TMEM131: variants seen among roughly 807,000 people sequenced by gnomAD.
TMEM131 encodes the protein transmembrane protein 131.
In TMEM131, 66 loss-of-function variants were observed where a neutral mutation model predicts 211.6. The observed-to-expected ratio is 0.31, with a 90% CI of 0.26 to 0.38. The LOEUF is 0.38. Ranked by LOEUF, TMEM131 falls within the 10% of genes least tolerant of loss-of-function variation. The probability of loss-of-function intolerance (pLI) is 1.00; values close to 1 mark genes in which losing one functional copy is unlikely to be tolerated. For synonymous variants in TMEM131, 844 were observed against 841.3 expected, an observed-to-expected ratio of 1.00 and a Z score of -0.06; for missense variants, 2,036 against 2,299.3, an observed-to-expected ratio of 0.89 and a Z score of 2.34.
At chr2:97,992,450 C>T (rs930576048) in intron 1 of TMEM131, among the ~76,000 whole-genome samples, 9 of 152,054 alleles carry the variant, frequency 5.9e-5, no homozygotes, top group Non-Finnish European at 1.2e-4. Context: ...CAAACGTTAC[C>T]CTGCCATTTA....
At chr2:97,968,806 G>C (rs1364010081) in intron 1 of TMEM131, among the ~76,000 whole-genome samples, 1 of 152,160 alleles carries the variant, frequency 6.6e-6, no homozygotes, top group Non-Finnish European at 1.5e-5. Context: ...ATATCGGGCA[G>C]GCGCACTGGT....
chr2:97,960,640 T>C (rs1311859492), intron 1 of TMEM131, among the ~76,000 whole-genome samples: 1 of 152,144 alleles, frequency 6.6e-6, no homozygotes, highest in African/African-American at 2.4e-5. Flanking sequence ...ACTAATTCTA[T>C]AAAAATGATT....
intron 3 of TMEM131, among the ~76,000 whole-genome samples, chr2:97,893,974 T>C (rs917545707): frequency 6.6e-5 from 10 of 152,294 alleles, no homozygotes; most frequent in African/African-American, 1.7e-4. Context: ...CTGAATGGTA[T>C]TGCCTAGGTT....
At position 97,794,952 on chromosome 2, in the gene TMEM131, T is replaced by C; in HGVS notation, c.3364A>G (p.Ile1122Val). ...TACCTCATTATTCCTGAGATGATGA[T>C]ATACAGAGCCAGTTCCCAGTTAGGT... Reference protein sequence around the residue: ...PRPNWELALYIIISGIMSALF... With the variant: ...PRPNWELALYVIISGIMSALF... Residue 1122 changes from isoleucine (I) to valine (V), a missense_variant, in exon 29 of 41, where the codon ATC becomes GTC. Around this residue, in one of 3 missense-constraint regions of TMEM131, gnomAD observed 1,623 missense variants for 1,805.9 expected, o/e 0.90. Coordinates refer to ENST00000186436, the MANE Select transcript of TMEM131 (RefSeq NM_015348.2). 6.3e-7 allele frequency: 1 copy of C among 1,596,954 alleles called. No individual in the cohort carries two copies. The highest frequency in any genetic ancestry group is 8.5e-7 in the Non-Finnish European group (1 of 1,171,144).
chr2:97,959,901 G>A (rs1202220612), intron 1 of TMEM131, among the ~76,000 whole-genome samples: 2 of 151,988 alleles, frequency 1.3e-5, no homozygotes, highest in Non-Finnish European at 2.9e-5. Flanking sequence ...TGTCTTTCAT[G>A]ACATAATTTT....
intron 8 of TMEM131, 56 bp downstream of exon 8, chr2:97,837,021 T>TA: frequency 7.1e-7 from 1 of 1,405,710 alleles, no homozygotes; most frequent in East Asian, 2.3e-5. Flanking sequence ...TTTTCTAATT[T>TA]AAGAATAATC....
chr2:97,834,688 A>G lies in TMEM131; in HGVS notation c.956-11T>C, dbSNP rs768540640. 2 of 1,597,742 alleles carry G rather than the reference A, an allele frequency of 1.3e-6. No individual in the cohort carries two copies. On this transcript the variant is annotated splice_polypyrimidine_tract_variant and intron_variant, in intron 9 of 40. Coordinates refer to ENST00000186436, the MANE Select transcript of TMEM131 (RefSeq NM_015348.2). ...AATAAATTCCAGGAGCTTGGAAAAA[A>G]GAAAAGTCAACAATTATTTTTCACT...
At chr2:97,896,099 T>C (rs906628623) in intron 3 of TMEM131, among the ~76,000 whole-genome samples, 1 of 152,116 alleles carries the variant, frequency 6.6e-6, no homozygotes. Flanking sequence ...GAACATCTTT[T>C]TTCTGCCTTC....
At chr2:97,960,397 T>C (rs1678764357) in intron 1 of TMEM131, among the ~76,000 whole-genome samples, 1 of 152,164 alleles carries the variant, frequency 6.6e-6, no homozygotes, top group Non-Finnish European at 1.5e-5. Flanking sequence ...TTTCTTCCAA[T>C]ATAACTGATT....
At chr2:97,913,483 T>C (rs925943038) in intron 2 of TMEM131, among the ~76,000 whole-genome samples, 1 of 152,140 alleles carries the variant, frequency 6.6e-6, no homozygotes, top group Admixed American at 6.5e-5. Flanking sequence ...AATTAGCAAA[T>C]GGTAAGAGTT....
At chr2:97,995,394 C>G in intron 1 of TMEM131, 82 bp downstream of exon 1, 1 of 1,255,350 alleles carries the variant, frequency 8.0e-7, no homozygotes, top group Middle Eastern at 3.1e-4. Flanking sequence ...GGCCGCGGCC[C>G]TTCCTCCCGG....
intron 1 of TMEM131, among the ~76,000 whole-genome samples, chr2:97,993,961 TAAG>T (rs750105344): frequency 3.3e-5 from 5 of 152,290 alleles, no homozygotes; most frequent in Non-Finnish European, 5.9e-5. Context: ...TTCCCTGTGC[TAAG>T]GGCGCATGAA....
At chr2:97,990,692 T>C (rs777758254) in intron 1 of TMEM131, among the ~76,000 whole-genome samples, 2 of 152,352 alleles carry the variant, frequency 1.3e-5, no homozygotes, top group Non-Finnish European at 2.9e-5. Context: ...CTGGTGTTAC[T>C]CAATGTCCTA....
chr2:97,965,634 C>G (rs1406866146), intron 1 of TMEM131, among the ~76,000 whole-genome samples: 2 of 135,938 alleles, frequency 1.5e-5, no homozygotes, highest in Non-Finnish European at 3.3e-5. Flanking sequence ...GTGACAAGCC[C>G]CATGGCTGGG....
At chr2:97,784,691 CT>C (rs1680169488) in intron 31 of TMEM131, among the ~76,000 whole-genome samples, 1 of 151,542 alleles carries the variant, frequency 6.6e-6, no homozygotes, top group Non-Finnish European at 1.5e-5. Context: ...CTTTACATAA[CT>C]AAAAAAAGAG....
At chr2:97,891,092 C>G (rs1675357854) in intron 3 of TMEM131, among the ~76,000 whole-genome samples, 1 of 152,184 alleles carries the variant, frequency 6.6e-6, no homozygotes, top group Non-Finnish European at 1.5e-5. Flanking sequence ...ACAGCTGATT[C>G]AAATGGTTCC....
intron 32 of TMEM131, among the ~76,000 whole-genome samples, chr2:97,775,209 C>T (rs1478039746): frequency 6.6e-6 from 1 of 152,210 alleles, no homozygotes; most frequent in African/African-American, 2.4e-5. Context: ...GGACCCGACA[C>T]TTTGCACTGC....
intron 31 of TMEM131, among the ~76,000 whole-genome samples, chr2:97,790,336 G>C (rs1680443891): frequency 6.6e-6 from 1 of 152,072 alleles, no homozygotes; most frequent in African/African-American, 2.4e-5. Flanking sequence ...ATAGATACAG[G>C]CTCCTTCCTT....
At chr2:97,910,877 A>G (rs1021796906) in intron 2 of TMEM131, among the ~76,000 whole-genome samples, 1 of 152,178 alleles carries the variant, frequency 6.6e-6, no homozygotes, top group Non-Finnish European at 1.5e-5. Context: ...AATTTCTTAC[A>G]AAGTTAAACA....
Sources: allele counts gnomAD v4.1 joint callset (sites outside exome capture counted in the v4.1 genomes callset), GRCh38; gene constraint gnomAD v4.1.1; regional missense constraint gnomAD v4.1.1; transcripts MANE v1.5; gene names NCBI Gene and HGNC (gene_info 2026-07-23, HGNC 2026-07-21).